FYN: variants seen among roughly 807,000 people sequenced by gnomAD.
The protein encoded by FYN is FYN proto-oncogene, Src family tyrosine kinase, also known as tyrosine-protein kinase Fyn.
A neutral mutation model predicts 70.2 loss-of-function variants in FYN; 10 were observed. That is an observed-to-expected ratio of 0.14 (90% CI 0.09 to 0.24). FYN has a LOEUF of 0.24. Among genes scored for constraint, FYN ranks in the 10% least tolerant of loss-of-function variants. The pLI, the probability that FYN is intolerant of heterozygous loss-of-function variation, is 1.00. For synonymous variants in FYN, 236 were observed against 248.6 expected (o/e 0.95, Z 0.48); for missense variants, 319 against 673.1 (o/e 0.47, Z 5.82).
chr6:111,708,187 A>G, intron 5 of FYN, 167 bp from the exon 6 acceptor site: 1 of 582,122 alleles, frequency 1.7e-6, no homozygotes, highest in South Asian at 2.1e-5. Context: ...TGAAGGTCAG[A>G]AGGTTCCAGT....
At chr6:111,672,137 C>T (rs1309213768) in intron 13 of FYN, among the ~76,000 whole-genome samples, 1 of 152,216 alleles carries the variant, frequency 6.6e-6, no homozygotes, top group African/African-American at 2.4e-5. Context: ...TGCCCCTGCA[C>T]ATGGCATCTT....
chr6:111,672,048 C>T (rs546033915), intron 13 of FYN, among the ~76,000 whole-genome samples: 2 of 152,294 alleles, frequency 1.3e-5, no homozygotes, highest in South Asian at 2.1e-4. Context: ...AATGAGGACA[C>T]GGTTCCCTGG....
At chr6:111,665,995 CTTTTTTTTTT>C (rs991104460) in intron 13 of FYN, among the ~76,000 whole-genome samples, 5 of 89,050 alleles carry the variant, frequency 5.6e-5, no homozygotes, top group South Asian at 4.0e-4. Context: ...CCTTTTTCTC[CTTTTTTTTTT>C]TTTTTTTTTT....
rs373978996 is a variant in FYN, at chr6:111,713,653, G to A, written c.344+694C>T. ...TATAAACCCTAAGAAAATCTGACCC[G>A]TGTTTACTCTTCTTATGGAGGTACT... is the stretch of plus-strand genomic sequence containing the variant. On this transcript the variant is annotated intron_variant, in intron 5 of 13. Coordinates refer to ENST00000354650, the MANE Select transcript of FYN (RefSeq NM_002037.5). Among the ~76,000 whole-genome samples, 160 of 152,164 alleles carry A rather than the reference G, an allele frequency of 1.1e-3. 1 individual carries two copies. Among genetic ancestry groups the A allele is most frequent in the African/African-American group, 3.7e-3 (155 of 41,518 alleles).
chr6:111,788,052 T>C (rs1281366770), intron 2 of FYN, among the ~76,000 whole-genome samples: 1 of 152,142 alleles, frequency 6.6e-6, no homozygotes, highest in Admixed American at 6.6e-5. Flanking sequence ...TTTCCTCTCT[T>C]ATTGTGCCCT....
At chr6:111,786,198 A>G (rs1454022101) in intron 2 of FYN, among the ~76,000 whole-genome samples, 2 of 151,660 alleles carry the variant, frequency 1.3e-5, no homozygotes, top group Non-Finnish European at 2.9e-5. Flanking sequence ...TCCCAATGCT[A>G]TCCCTCTCTC....
chr6:111,751,657 G>A (rs573634840), intron 3 of FYN, among the ~76,000 whole-genome samples: 30 of 151,920 alleles, frequency 2.0e-4, no homozygotes, highest in African/African-American at 4.1e-4. Flanking sequence ...CATCTTGCTC[G>A]GTCATCTAGG....
chr6:111,727,559 T>G (rs893489291), intron 3 of FYN, among the ~76,000 whole-genome samples: 1 of 152,082 alleles, frequency 6.6e-6, no homozygotes, highest in Admixed American at 6.5e-5. Context: ...GGTGAGAAGA[T>G]AGATGTAAAA....
intron 2 of FYN, among the ~76,000 whole-genome samples, chr6:111,840,709 A>G (rs759499846): frequency 1.3e-5 from 2 of 152,238 alleles, no homozygotes; most frequent in South Asian, 4.1e-4. Flanking sequence ...TGGCCTATAC[A>G]ACACCACTCT....
At chr6:111,715,283 G>A (rs1478427378) in intron 4 of FYN, among the ~76,000 whole-genome samples, 1 of 150,668 alleles carries the variant, frequency 6.6e-6, no homozygotes, top group Non-Finnish European at 1.5e-5. Context: ...GTCTCACTAT[G>A]TTGCCCAGGC....
intron 2 of FYN, among the ~76,000 whole-genome samples, chr6:111,821,534 G>T (rs1772663148): frequency 6.6e-6 from 1 of 152,100 alleles, no homozygotes; most frequent in Non-Finnish European, 1.5e-5. Flanking sequence ...AAAAACCCTA[G>T]AAGAAAACCT....
rs778721947 is a variant in FYN at position 111,699,577 on chromosome 6, G to T, written c.862+527C>A. ...CTTCTCCAGACACAACGAACGACGT[G>T]CAACTTCCCAAGCATCTTTAGCCAA... On this transcript the variant is annotated intron_variant, in intron 9 of 13. Coordinates refer to ENST00000354650, the MANE Select transcript of FYN (RefSeq NM_002037.5). 15 of 1,614,140 alleles carry T rather than the reference G, an allele frequency of 9.3e-6. No homozygotes were observed. In the South Asian group the frequency reaches 1.5e-4, roughly 17 times the overall value.
At chr6:111,741,460 T>A (rs1371946199) in intron 3 of FYN, among the ~76,000 whole-genome samples, 1 of 152,266 alleles carries the variant, frequency 6.6e-6, no homozygotes, top group Non-Finnish European at 1.5e-5. Context: ...CATAAAAGAA[T>A]ATCTCAGGAT....
At chr6:111,691,160 C>T (rs706864) in intron 12 of FYN, among the ~76,000 whole-genome samples, 3,223 of 152,256 alleles carry the variant, frequency 0.021, 125 homozygotes, top group African/African-American at 0.072. Flanking sequence ...TGGCCTTGAC[C>T]ACCTCCCTGA....
intron 3 of FYN, among the ~76,000 whole-genome samples, chr6:111,767,402 A>G (rs904191682): frequency 2.6e-5 from 4 of 151,964 alleles, no homozygotes; most frequent in Non-Finnish European, 5.9e-5. Flanking sequence ...CTTGGGCACT[A>G]TTTTTTTATT....
intron 2 of FYN, among the ~76,000 whole-genome samples, chr6:111,818,441 T>A (rs1387210691): frequency 6.6e-6 from 1 of 152,194 alleles, no homozygotes; most frequent in Non-Finnish European, 1.5e-5. Context: ...AAGGCATATA[T>A]ATGAAGACAA....
chr6:111,768,311 T>A (rs1803311988), intron 3 of FYN, among the ~76,000 whole-genome samples: 2 of 152,252 alleles, frequency 1.3e-5, no homozygotes, highest in Non-Finnish European at 2.9e-5. Context: ...CTTACATGTT[T>A]ACTGAGTGAA....
At chr6:111,741,758 A>G (rs764907080) in intron 3 of FYN, among the ~76,000 whole-genome samples, 14 of 152,312 alleles carry the variant, frequency 9.2e-5, no homozygotes, top group Admixed American at 3.3e-4. Flanking sequence ...GTGGTTTTCG[A>G]ACTTTATGAG....
chr6:111,721,234 C>T (rs2128463070), intron 3 of FYN, among the ~76,000 whole-genome samples: 1 of 152,282 alleles, frequency 6.6e-6, no homozygotes, highest in South Asian at 2.1e-4. Context: ...CTCCTTCTGG[C>T]ACCCTTGGCG....
Sources: gnomAD v4.1 joint callset for allele counts (sites outside exome capture counted in the v4.1 genomes callset) on GRCh38, gnomAD v4.1.1 for gene constraint, MANE v1.5 for transcripts, NCBI Gene and HGNC (gene_info 2026-07-23, HGNC 2026-07-21) for gene names.